Variants in GULP1 observed in about 807,000 individuals in gnomAD.
GULP1 encodes the protein PTB domain-containing engulfment adapter protein 1.
GULP1 carries 19 observed loss-of-function variants against 40.9 expected under a neutral mutation model. That is an observed-to-expected ratio of 0.46 (90% CI 0.32 to 0.68). The LOEUF (loss-of-function observed/expected upper bound fraction) is 0.68. Among genes scored for constraint, GULP1 ranks in the 30% least tolerant of loss-of-function variants. The probability of loss-of-function intolerance (pLI) is 0.03; values close to 1 mark genes in which losing one functional copy is unlikely to be tolerated. For synonymous variants in GULP1, 119 were observed against 117.6 expected (o/e 1.01, Z -0.08); for missense variants, 312 against 362.2 (o/e 0.86, Z 1.12).
At chr2:188,307,276 A>G (rs879302496) in intron 1 of GULP1, among the ~76,000 whole-genome samples, 4 of 152,206 alleles carry the variant, frequency 2.6e-5, no homozygotes, top group African/African-American at 7.2e-5. Context: ...AACAACTTCA[A>G]CGTATCATGT....
intron 2 of GULP1, among the ~76,000 whole-genome samples, chr2:188,397,125 T>A (rs1049359822): frequency 1.3e-5 from 2 of 148,548 alleles, no homozygotes; most frequent in Admixed American, 6.6e-5. Context: ...AGTTTTCTTG[T>A]TAAGTTTCTA....
chr2:188,578,518 C>T (rs1003822673), intron 9 of GULP1, among the ~76,000 whole-genome samples: 22 of 148,846 alleles, frequency 1.5e-4, no homozygotes, highest in Non-Finnish European at 3.0e-4. Flanking sequence ...TCATGTATCG[C>T]AGAACTTAAA....
intron 9 of GULP1, among the ~76,000 whole-genome samples, chr2:188,583,540 T>C (rs191211921): frequency 1.6e-4 from 25 of 152,322 alleles, no homozygotes; most frequent in African/African-American, 4.6e-4. Flanking sequence ...TTGATATTAC[T>C]TCTTGGCTAC....
chr2:188,577,239 T>G (rs1290545724), intron 9 of GULP1, among the ~76,000 whole-genome samples: 1 of 152,096 alleles, frequency 6.6e-6, no homozygotes, highest in African/African-American at 2.4e-5. Context: ...TAATCAACTG[T>G]GTGGCCACTG....
intron 7 of GULP1, among the ~76,000 whole-genome samples, chr2:188,564,373 T>G (rs976739126): frequency 2.0e-5 from 3 of 151,888 alleles, no homozygotes; most frequent in Non-Finnish European, 2.9e-5. Flanking sequence ...CTACAACCAC[T>G]AGATTTATGA....
intron 1 of GULP1, among the ~76,000 whole-genome samples, chr2:188,313,736 C>T (rs937082605): frequency 6.6e-6 from 1 of 152,136 alleles, no homozygotes; most frequent in Non-Finnish European, 1.5e-5. Flanking sequence ...TTGATTTTTC[C>T]TATCCATGAG....
chr2:188,482,475 G>A (rs560787507), intron 3 of GULP1, among the ~76,000 whole-genome samples: 2 of 151,356 alleles, frequency 1.3e-5, no homozygotes, highest in African/African-American at 4.8e-5. Flanking sequence ...TTAAACTCCC[G>A]TGAAAAATAA....
intron 9 of GULP1, among the ~76,000 whole-genome samples, chr2:188,579,783 A>G (rs1196085298): frequency 6.6e-6 from 1 of 152,156 alleles, no homozygotes; most frequent in African/African-American, 2.4e-5. Context: ...TTACCTCCCC[A>G]GAGGAAGTAG....
intron 4 of GULP1, among the ~76,000 whole-genome samples, chr2:188,493,753 G>C (rs2062632702): frequency 1.3e-5 from 2 of 152,012 alleles, no homozygotes; most frequent in South Asian, 4.1e-4. Flanking sequence ...AGCAAGAAAG[G>C]GAATACATTG....
intron 2 of GULP1, among the ~76,000 whole-genome samples, chr2:188,465,168 A>C (rs528852393): frequency 2.0e-5 from 3 of 152,108 alleles, no homozygotes. Flanking sequence ...TTCTTAATGT[A>C]GTACCTGGGT....
At chr2:188,501,146 T>C (rs868529445) in intron 4 of GULP1, among the ~76,000 whole-genome samples, 1 of 151,952 alleles carries the variant, frequency 6.6e-6, no homozygotes, top group Admixed American at 6.6e-5. Context: ...CTCTGTATCC[T>C]CACCCAAATC....
intron 2 of GULP1, among the ~76,000 whole-genome samples, chr2:188,401,315 C>T (rs1340696303): frequency 6.6e-6 from 1 of 151,886 alleles, no homozygotes; most frequent in Non-Finnish European, 1.5e-5. Context: ...AGTAAGATCT[C>T]GATACTATAT....
At chr2:188,422,450 A>G (rs1299360392) in intron 2 of GULP1, among the ~76,000 whole-genome samples, 1 of 151,446 alleles carries the variant, frequency 6.6e-6, no homozygotes, top group African/African-American at 2.4e-5. Flanking sequence ...CTGAAACTAA[A>G]TATAGACCTT....
chr2:188,374,316 A>G (rs543979342), intron 1 of GULP1, among the ~76,000 whole-genome samples: 2 of 152,282 alleles, frequency 1.3e-5, no homozygotes, highest in South Asian at 4.1e-4. Flanking sequence ...ATACATTAGT[A>G]AATAATACAT....
At chr2:188,322,389 C>T (rs1008562898) in intron 1 of GULP1, among the ~76,000 whole-genome samples, 1 of 151,752 alleles carries the variant, frequency 6.6e-6, no homozygotes, top group Non-Finnish European at 1.5e-5. Context: ...GTTAGTTTGT[C>T]CTATTCTCAT....
intron 5 of GULP1, among the ~76,000 whole-genome samples, chr2:188,525,375 G>C (rs1685905350): frequency 6.6e-6 from 1 of 152,016 alleles, no homozygotes; most frequent in Non-Finnish European, 1.5e-5. Flanking sequence ...TGGGCAACAA[G>C]AGGGAAACTT....
intron 1 of GULP1, among the ~76,000 whole-genome samples, chr2:188,328,288 A>C (rs1464626796): frequency 2.0e-5 from 3 of 152,044 alleles, no homozygotes; most frequent in African/African-American, 7.2e-5. Flanking sequence ...TCTTCTCTCA[A>C]CCTTGTTTAT....
chr2:188,514,339 G>A (rs1302388757), intron 4 of GULP1, among the ~76,000 whole-genome samples: 1 of 152,070 alleles, frequency 6.6e-6, no homozygotes, highest in Non-Finnish European at 1.5e-5. Flanking sequence ...GAACTTAACT[G>A]TTGTTTATAT....
At chr2:188,388,652 T>C (rs1163039643) in intron 2 of GULP1, among the ~76,000 whole-genome samples, 1 of 152,194 alleles carries the variant, frequency 6.6e-6, no homozygotes, top group Non-Finnish European at 1.5e-5. Flanking sequence ...GTTTGCAGGC[T>C]TTTCCTTACA....
Sources: allele counts gnomAD v4.1 joint callset (sites outside exome capture counted in the v4.1 genomes callset), GRCh38; gene constraint gnomAD v4.1.1; transcripts MANE v1.5; gene names NCBI Gene and HGNC (gene_info 2026-07-23, HGNC 2026-07-21).